GOLM2: variants seen among roughly 807,000 people sequenced by gnomAD.
GOLM2 encodes the protein protein GOLM2.
Under a neutral mutation model 55.9 loss-of-function variants are expected in GOLM2, and 26 were observed. That is an observed-to-expected ratio of 0.47 (90% CI 0.34 to 0.65). The LOEUF is 0.65. Ranked by LOEUF, GOLM2 falls within the 30% of genes least tolerant of loss-of-function variation. GOLM2 has a pLI of 0.01. For missense variants in GOLM2, 486 were observed against 531.8 expected, an observed-to-expected ratio of 0.91 and a Z score of 0.85; for synonymous variants, 165 against 194.6, an observed-to-expected ratio of 0.85 and a Z score of 1.27.
intron 6 of GOLM2, among the ~76,000 whole-genome samples, chr15:44,368,075 A>G (rs1010785689): frequency 6.6e-6 from 1 of 152,078 alleles, no homozygotes; most frequent in African/African-American, 2.4e-5. Flanking sequence ...TCAAATATGC[A>G]AATTTTACAA....
intron 6 of GOLM2, among the ~76,000 whole-genome samples, chr15:44,361,223 A>T (rs369584991): frequency 3.3e-5 from 5 of 152,174 alleles, no homozygotes; most frequent in East Asian, 1.9e-4. Flanking sequence ...CTGAAGGAAA[A>T]AGAGACACAA....
intron 1 of GOLM2, among the ~76,000 whole-genome samples, chr15:44,304,375 G>C (rs146081418): frequency 6.6e-6 from 1 of 150,654 alleles, no homozygotes; most frequent in East Asian, 2.0e-4. Flanking sequence ...CTGAGTAGCT[G>C]GGATTACAGG....
intron 4 of GOLM2, among the ~76,000 whole-genome samples, chr15:44,334,393 CT>C (rs1436507692): frequency 6.6e-6 from 1 of 152,114 alleles, no homozygotes; most frequent in Non-Finnish European, 1.5e-5. Context: ...AGGGATTTAT[CT>C]TTTTGTTTTA....
chr15:44,395,305 G>A (rs2079518022), intron 8 of GOLM2, among the ~76,000 whole-genome samples: 1 of 151,622 alleles, frequency 6.6e-6, no homozygotes, highest in South Asian at 2.1e-4. Flanking sequence ...ACTGCGCCCG[G>A]CCAAAATATA....
Position 44,328,671 on chromosome 15 carries a change from C to A in GOLM2, c.383-14C>A, listed in dbSNP as rs766544492. 15 of 1,597,394 alleles carry A rather than the reference C, an allele frequency of 9.4e-6. No individual in the cohort carries two copies. On this transcript the variant is annotated splice_polypyrimidine_tract_variant and intron_variant, in intron 2 of 9. Transcript: ENST00000299957. Reference sequence around the variant, plus strand: ...GTGAACTTGATTCCTTTGGTTCTTACCTTGGGTGGATAGAGCAACTTGCTG... The same window carrying A: ...GTGAACTTGATTCCTTTGGTTCTTAACTTGGGTGGATAGAGCAACTTGCTG...
intron 1 of GOLM2, among the ~76,000 whole-genome samples, chr15:44,304,845 G>A (rs567290982): frequency 4.6e-5 from 7 of 152,160 alleles, no homozygotes; most frequent in Non-Finnish European, 7.4e-5. Flanking sequence ...ATAAGCCACC[G>A]TGCCTAGCCT....
At chr15:44,340,021 C>T (rs1341117872) in intron 6 of GOLM2, among the ~76,000 whole-genome samples, 3 of 151,922 alleles carry the variant, frequency 2.0e-5, no homozygotes, top group African/African-American at 4.8e-5. Context: ...AAGTTTTCAC[C>T]GTGTTGCCCA....
intron 1 of GOLM2, among the ~76,000 whole-genome samples, chr15:44,315,449 A>G (rs1215015026): frequency 6.6e-6 from 1 of 152,228 alleles, no homozygotes; most frequent in African/African-American, 2.4e-5. Flanking sequence ...GAGCTGCCAA[A>G]ATTAATTTAG....
chr15:44,331,052 C>T (rs978652634), intron 3 of GOLM2, among the ~76,000 whole-genome samples: 6 of 151,994 alleles, frequency 3.9e-5, no homozygotes, highest in African/African-American at 1.2e-4. Context: ...CTGTTTCTGA[C>T]GCCCAGGCTG....
chr15:44,404,847 T>C (rs2079587757), intron 9 of GOLM2, among the ~76,000 whole-genome samples: 1 of 152,198 alleles, frequency 6.6e-6, no homozygotes. Context: ...TTTATTCTTA[T>C]AACTGTGACT....
chr15:44,389,838 A>ATTTTTGCAGGTGTG (rs2141202003), intron 8 of GOLM2: 1 of 152,440 alleles, frequency 6.6e-6, no homozygotes, highest in Non-Finnish European at 1.5e-5. Context: ...GTGTGCCACC[A>ATTTTTGCAGGTGTG]TGCCTGGCTA....
chr15:44,356,958 C>T (rs899948264), intron 6 of GOLM2, among the ~76,000 whole-genome samples: 21 of 152,000 alleles, frequency 1.4e-4, no homozygotes, highest in African/African-American at 5.1e-4. Context: ...ATTGCTTGAG[C>T]TCAGGAGTTC....
chr15:44,338,982 G>A (rs940532136), intron 6 of GOLM2, among the ~76,000 whole-genome samples: 6 of 151,758 alleles, frequency 4.0e-5, no homozygotes, highest in African/African-American at 1.5e-4. Context: ...GGCTATTAAT[G>A]GTACTCCTCC....
Position 44,288,921 on chromosome 15 carries a change from C to T in GOLM2, c.-109C>T, listed in dbSNP as rs756554753. 19 of 1,044,496 alleles carry T rather than the reference C, an allele frequency of 1.8e-5. No homozygotes were observed. In the Admixed American group the frequency reaches 5.2e-4, roughly 29 times the overall value. The allele number at this position is 1,044,496 out of a possible 1,614,324, so 64.7% of individuals were successfully genotyped here. A position where few individuals can be genotyped will look rare whatever the true frequency, so the allele number is the denominator to read the frequency against. Reference sequence around the variant, plus strand: ...AGCCGACCGGTAAGCCCGCCTCCTCCCTCGGCCGGCCCTGGGGCCGTGTCC... The same window carrying T: ...AGCCGACCGGTAAGCCCGCCTCCTCTCTCGGCCGGCCCTGGGGCCGTGTCC... On this transcript the variant is annotated 5_prime_UTR_variant, in exon 1 of 10. Transcript: ENST00000299957.
intron 8 of GOLM2, among the ~76,000 whole-genome samples, chr15:44,383,886 C>T (rs1484535846): frequency 6.6e-6 from 1 of 151,854 alleles, no homozygotes; most frequent in South Asian, 2.1e-4. Context: ...GTTCTGTTGT[C>T]CAGACTGGTA....
chr15:44,289,288 G>A lies in GOLM2; in HGVS notation c.259G>A (p.Asp87Asn). The A allele has an allele frequency of 6.2e-7, 1 of 1,613,228 alleles. No homozygotes were observed. The highest frequency in any genetic ancestry group is 8.5e-7 in the Non-Finnish European group (1 of 1,179,780). Residue 87 changes from aspartate to asparagine, a missense_variant, in exon 1 of 10, where the codon GAC becomes AAC. By Grantham distance (23) the Asp-to-Asn change is conservative. Transcript: ENST00000299957. The surrounding 1 kb of genome is among the most constrained non-coding windows in gnomAD (Gnocchi z 4.8). ...GAAACAGATCGACCAGAAGGAGGCCGACTACGGCCGCCTCAGCAGCCGGCT... is the reference window on the plus strand; with the variant it reads ...GAAACAGATCGACCAGAAGGAGGCCAACTACGGCCGCCTCAGCAGCCGGCT... The part of the protein sequence containing the change: ...HKKQIDQKEA[D>N]YGRLSSRLQA...
intron 7 of GOLM2, 46 bp from the exon 8 acceptor site, chr15:44,380,760 A>G: frequency 7.7e-7 from 1 of 1,297,106 alleles, no homozygotes. Flanking sequence ...TCTTTAAAAG[A>G]TTAAATTAAA....
chr15:44,304,796 C>T (rs2078825415), intron 1 of GOLM2, among the ~76,000 whole-genome samples: 1 of 151,864 alleles, frequency 6.6e-6, no homozygotes, highest in Non-Finnish European at 1.5e-5. Context: ...CTCAAGTGAT[C>T]CTCCTGCCCT....
intron 6 of GOLM2, among the ~76,000 whole-genome samples, chr15:44,365,363 C>T (rs1234023516): frequency 6.6e-6 from 1 of 151,934 alleles, no homozygotes; most frequent in Non-Finnish European, 1.5e-5. Flanking sequence ...CCCATCTCTA[C>T]AGAGAATACA....
Sources: allele counts gnomAD v4.1 joint callset (sites outside exome capture counted in the v4.1 genomes callset), GRCh38; gene constraint gnomAD v4.1.1; non-coding constraint Gnocchi (gnomAD v3.1); transcripts MANE v1.5; gene names NCBI Gene and HGNC (gene_info 2026-07-23, HGNC 2026-07-21).